The following ME1 variants were observed in gnomAD, a reference collection of about 807,000 sequenced individuals.
ME1 encodes the protein NADP-dependent malic enzyme.
A neutral mutation model predicts 66.4 loss-of-function variants in ME1; 74 were observed. That is an observed-to-expected ratio of 1.11 (90% CI 0.92 to 1.35). The LOEUF (loss-of-function observed/expected upper bound fraction) is 1.35, where lower values mean the gene tolerates loss of function less well. Among genes scored for constraint, ME1 ranks in the 40% most tolerant of loss-of-function variants. The pLI, the probability that ME1 is intolerant of heterozygous loss-of-function variation, is 0.00. For missense variants in ME1, 750 were observed against 694.1 expected (o/e 1.08, Z -0.90); for synonymous variants, 251 against 235.6 (o/e 1.07, Z -0.60).
intron 7 of ME1, among the ~76,000 whole-genome samples, chr6:83,241,082 G>A (rs887559974): frequency 2.6e-5 from 4 of 152,076 alleles, no homozygotes; most frequent in Admixed American, 1.3e-4. Context: ...AATATATCAT[G>A]ACATGATTAG....
chr6:83,238,113 T>C (rs1436248352), intron 8 of ME1, among the ~76,000 whole-genome samples: 2 of 152,178 alleles, frequency 1.3e-5, no homozygotes, highest in Non-Finnish European at 1.5e-5. Flanking sequence ...TTCAAAATAA[T>C]GAACTGGTCA....
chr6:83,393,363 C>G, intron 3 of ME1: 1 of 909,850 alleles, frequency 1.1e-6, no homozygotes, highest in Non-Finnish European at 1.8e-6. Flanking sequence ...TTGGCTGCAG[C>G]AACAGGGTGG....
At chr6:83,287,723 C>T (rs777334960) in intron 6 of ME1, among the ~76,000 whole-genome samples, 20 of 152,260 alleles carry the variant, frequency 1.3e-4, no homozygotes, top group Middle Eastern at 3.4e-3. Context: ...CTTAAGGAAT[C>T]GCCACACTGT....
chr6:83,315,819 C>T (rs929572711), intron 5 of ME1, among the ~76,000 whole-genome samples: 2 of 152,086 alleles, frequency 1.3e-5, no homozygotes, highest in Non-Finnish European at 2.9e-5. Context: ...ATCACTTGAA[C>T]CTGGGAGGTG....
chr6:83,225,808 TTATATA>T (rs57577563), intron 11 of ME1, among the ~76,000 whole-genome samples: 267 of 138,040 alleles, frequency 1.9e-3, no homozygotes, highest in African/African-American at 6.1e-3. Flanking sequence ...GCCTGTAACA[TTATATA>T]TATATATATA....
chr6:83,388,441 A>G (rs1241164389), intron 3 of ME1, among the ~76,000 whole-genome samples: 1 of 152,200 alleles, frequency 6.6e-6, no homozygotes, highest in Non-Finnish European at 1.5e-5. Context: ...AATTTGGTAC[A>G]TGATACCACA....
intron 5 of ME1, among the ~76,000 whole-genome samples, chr6:83,342,966 G>C (rs1255373792): frequency 6.6e-6 from 1 of 152,156 alleles, no homozygotes; most frequent in Non-Finnish European, 1.5e-5. Context: ...TTACAGATAG[G>C]AGCCACCACC....
intron 11 of ME1, among the ~76,000 whole-genome samples, chr6:83,225,811 TA>T (rs1790188556): frequency 1.2e-5 from 1 of 82,180 alleles, no homozygotes; most frequent in African/African-American, 1.6e-4. Context: ...TGTAACATTA[TA>T]TATATATATA....
At chr6:83,213,461 C>CA (rs1310648103) in intron 13 of ME1, among the ~76,000 whole-genome samples, 1 of 151,162 alleles carries the variant, frequency 6.6e-6, no homozygotes, top group Admixed American at 6.6e-5. Context: ...ACAACAACAA[C>CA]AAAAAAACAA....
intron 6 of ME1, among the ~76,000 whole-genome samples, chr6:83,286,005 G>A (rs1767389992): frequency 6.6e-6 from 1 of 152,114 alleles, no homozygotes; most frequent in African/African-American, 2.4e-5. Flanking sequence ...ACCAAAAGTG[G>A]TGCTTATAAG....
At chr6:83,301,874 G>A (rs994017206) in intron 6 of ME1, among the ~76,000 whole-genome samples, 1 of 152,082 alleles carries the variant, frequency 6.6e-6, no homozygotes, top group African/African-American at 2.4e-5. Context: ...CATGCTTTGT[G>A]GAAAGCAGTG....
At chr6:83,393,144 C>T (rs1233580005) in intron 3 of ME1, 19 of 1,351,444 alleles carry the variant, frequency 1.4e-5, no homozygotes, top group Non-Finnish European at 1.9e-5. Context: ...CCTGACCTGC[C>T]GTCTGGAAAA....
At chr6:83,357,232 A>G (rs1768908119) in intron 3 of ME1, among the ~76,000 whole-genome samples, 1 of 152,164 alleles carries the variant, frequency 6.6e-6, no homozygotes, top group Non-Finnish European at 1.5e-5. Context: ...CACATTTAAC[A>G]CTTGATTAAA....
intron 3 of ME1, 145 bp from the exon 4 acceptor site, chr6:83,352,284 A>C: frequency 8.5e-6 from 4 of 468,842 alleles, no homozygotes; most frequent in Non-Finnish European, 1.5e-5. Context: ...TCCTTAAACA[A>C]ATAAGGGGCA....
At chr6:83,253,065 T>C (rs925701340) in intron 7 of ME1, among the ~76,000 whole-genome samples, 2 of 152,122 alleles carry the variant, frequency 1.3e-5, no homozygotes, top group Admixed American at 1.3e-4. Context: ...TACCTTCCAA[T>C]AATGAAACAG....
rs9444053 is a variant in ME1 at position 83,237,408 on chromosome 6, A to G, written c.1026+309T>C. 4.1e-4 allele frequency among the ~76,000 whole-genome samples: 35 copies of G among 84,910 alleles called. 1 individual carries two copies. The highest frequency in any genetic ancestry group is 2.9e-3 in the East Asian group (11 of 3,812). The allele number at this position is 84,910 out of a possible 152,430, so 55.7% of individuals were successfully genotyped here. On this transcript the variant is annotated intron_variant, in intron 9 of 13. Transcript: ENST00000369705. ...AAGGAAGGAAGGAAGGAAAGAAAGA[A>G]AAAGAAAGAAAGAAAGAGAAAGGAA...
chr6:83,348,975 ACT>A (rs1300308639), intron 4 of ME1, among the ~76,000 whole-genome samples: 1 of 130,220 alleles, frequency 7.7e-6, no homozygotes, highest in African/African-American at 3.0e-5. Flanking sequence ...CAAGAGCAAA[ACT>A]CTGTCTCAAA....
chr6:83,255,897 T>C (rs993207724), intron 6 of ME1, among the ~76,000 whole-genome samples: 9 of 152,136 alleles, frequency 5.9e-5, no homozygotes, highest in Non-Finnish European at 1.0e-4. Flanking sequence ...GTATACCACA[T>C]TGGTATTGCT....
chr6:83,257,126 G>A (rs1322606419), intron 6 of ME1, among the ~76,000 whole-genome samples: 1 of 151,842 alleles, frequency 6.6e-6, no homozygotes, highest in East Asian at 1.9e-4. Flanking sequence ...AACCACCATG[G>A]CGCATGTATA....
Sources: allele counts gnomAD v4.1 joint callset (sites outside exome capture counted in the v4.1 genomes callset), GRCh38; gene constraint gnomAD v4.1.1; transcripts MANE v1.5; gene names NCBI Gene and HGNC (gene_info 2026-07-23, HGNC 2026-07-21).